The following BRD10 variants were observed in gnomAD, a reference collection of about 807,000 sequenced individuals.
BRD10 encodes the protein bromodomain containing 10.
chr9:5,882,076 ACC>A, the BRD10 span, among the ~76,000 whole-genome samples: 1 of 152,092 alleles, frequency 6.6e-6, no homozygotes, highest in Non-Finnish European at 1.5e-5. Flanking sequence ...TAGATGTGCG[ACC>A]CCATTCTTCT....
the BRD10 span, among the ~76,000 whole-genome samples, chr9:5,952,000 C>CT: frequency 3.1e-5 from 4 of 127,914 alleles, no homozygotes; most frequent in Admixed American, 8.1e-5. Context: ...CAGGAAGAGA[C>CT]TTATTTATTT....
the BRD10 span, among the ~76,000 whole-genome samples, chr9:5,914,359 C>A: frequency 6.9e-6 from 1 of 144,742 alleles, no homozygotes; most frequent in East Asian, 2.1e-4. Flanking sequence ...TGCTTAAATT[C>A]AAGCCTGAAA....
the BRD10 span, among the ~76,000 whole-genome samples, chr9:5,915,706 A>C: frequency 6.6e-6 from 1 of 152,164 alleles, no homozygotes; most frequent in African/African-American, 2.4e-5. Context: ...TCCCTGCTAA[A>C]TTCTTATAGT....
the BRD10 span, among the ~76,000 whole-genome samples, chr9:5,887,391 T>G: frequency 6.6e-6 from 1 of 152,140 alleles, no homozygotes; most frequent in Non-Finnish European, 1.5e-5. Flanking sequence ...GCCTGTTGTC[T>G]CCACCCTGGA....
At chr9:5,998,733 T>C in the BRD10 span, among the ~76,000 whole-genome samples, 1 of 152,172 alleles carries the variant, frequency 6.6e-6, no homozygotes, top group Non-Finnish European at 1.5e-5. Flanking sequence ...ACTCTTCTCA[T>C]GAAACTTTTA....
At chr9:5,925,854 A>G in the BRD10 span, among the ~76,000 whole-genome samples, 1 of 152,190 alleles carries the variant, frequency 6.6e-6, no homozygotes, top group Non-Finnish European at 1.5e-5. Flanking sequence ...GTTCTACCTT[A>G]TCCTCAACTT....
the BRD10 span, chr9:5,881,695 A>G: frequency 5.9e-5 from 9 of 152,244 alleles, no homozygotes; most frequent in Non-Finnish European, 1.3e-4. Flanking sequence ...AGGATATGAT[A>G]TTTAGGGTGA....
the BRD10 span, chr9:5,921,199 T>C: frequency 6.2e-7 from 1 of 1,613,968 alleles, no homozygotes; most frequent in South Asian, 1.1e-5. Flanking sequence ...TTACATTTTG[T>C]AATATGTTAA....
At chr9:5,920,063 G>A in the BRD10 span, 1 of 1,613,990 alleles carries the variant, frequency 6.2e-7, no homozygotes, top group Admixed American at 1.7e-5. Flanking sequence ...TGTATGTACT[G>A]TGGGTATAGA....
the BRD10 span, among the ~76,000 whole-genome samples, chr9:5,889,341 G>A: frequency 6.6e-6 from 1 of 152,122 alleles, no homozygotes; most frequent in Admixed American, 6.5e-5. Flanking sequence ...TTTTTGCAGG[G>A]AAAATCCTTC....
chr9:6,003,089 C>A, the BRD10 span, among the ~76,000 whole-genome samples: 4 of 151,482 alleles, frequency 2.6e-5, no homozygotes, highest in African/African-American at 7.3e-5. Context: ...CCTTTTTATC[C>A]CATACATGTA....
At chr9:5,927,220 A>G in the BRD10 span, among the ~76,000 whole-genome samples, 1 of 152,158 alleles carries the variant, frequency 6.6e-6, no homozygotes, top group East Asian at 1.9e-4. Flanking sequence ...GAGAACTTTC[A>G]CATGCTCACA....
At chr9:5,921,643 A>G in the BRD10 span, 1 of 1,613,958 alleles carries the variant, frequency 6.2e-7, no homozygotes, top group Middle Eastern at 1.6e-4. Context: ...CTGACCTTGT[A>G]ACAGGGTAAC....
At chr9:5,881,880 C>T in the BRD10 span, among the ~76,000 whole-genome samples, 3 of 152,202 alleles carry the variant, frequency 2.0e-5, no homozygotes, top group African/African-American at 7.2e-5. Context: ...TGAGGCTCTA[C>T]CATGTGGCAG....
chr9:6,007,745 C>T, the BRD10 span: 18 of 1,593,390 alleles, frequency 1.1e-5, no homozygotes, highest in Middle Eastern at 1.7e-4. Context: ...CGCTCTTCCT[C>T]CCCAGCCGGC....
the BRD10 span, among the ~76,000 whole-genome samples, chr9:5,960,422 C>G: frequency 1.3e-5 from 2 of 152,020 alleles, no homozygotes; most frequent in African/African-American, 4.8e-5. Flanking sequence ...ATTAGCCGGA[C>G]ATGGTGGCAC....
At chr9:5,977,189 C>T in the BRD10 span, among the ~76,000 whole-genome samples, 1 of 152,298 alleles carries the variant, frequency 6.6e-6, no homozygotes, top group East Asian at 1.9e-4. Context: ...ATTCATGACA[C>T]AGTTGAAGTG....
the BRD10 span, among the ~76,000 whole-genome samples, chr9:5,997,082 A>T: frequency 3.3e-5 from 5 of 152,250 alleles, no homozygotes; most frequent in African/African-American, 1.2e-4. Context: ...AGACAATGGC[A>T]CAAGGAAGAA....
At chr9:5,933,390 G>C in the BRD10 span, among the ~76,000 whole-genome samples, 2 of 152,174 alleles carry the variant, frequency 1.3e-5, no homozygotes, top group Non-Finnish European at 2.9e-5. Flanking sequence ...TGAATTTCAA[G>C]TGTACATTAT....
Sources: gnomAD v4.1 joint callset for allele counts (sites outside exome capture counted in the v4.1 genomes callset) on GRCh38, gnomAD v4.1.1 for gene constraint, MANE v1.5 for transcripts, NCBI Gene and HGNC (gene_info 2026-07-23, HGNC 2026-07-21) for gene names.